UGGT1: variants seen among roughly 807,000 people sequenced by gnomAD.
UGGT1 encodes the protein UDP-glucose glycoprotein glucosyltransferase 1.
A neutral mutation model predicts 203.9 loss-of-function variants in UGGT1; 107 were observed. The ratio of observed to expected loss-of-function variants is 0.52; its 90% CI spans 0.45 to 0.62. The LOEUF (loss-of-function observed/expected upper bound fraction) is 0.62, where lower values mean the gene tolerates loss of function less well. UGGT1 is among the 20% of genes least tolerant of loss of function. UGGT1 has a pLI of 0.00. For missense variants in UGGT1, 1,673 were observed against 1,867.2 expected, an observed-to-expected ratio of 0.90 and a Z score of 1.92; for synonymous variants, 628 against 653.5, an observed-to-expected ratio of 0.96 and a Z score of 0.59.
At chr2:128,181,978 G>A in intron 36 of UGGT1, 152 bp from the exon 37 acceptor site, 1 of 649,270 alleles carries the variant, frequency 1.5e-6, no homozygotes. Flanking sequence ...GTAATAAGTG[G>A]AGCAATCAAA....
At chr2:128,112,755 G>A (rs369980887) in intron 5 of UGGT1, among the ~76,000 whole-genome samples, 2 of 150,958 alleles carry the variant, frequency 1.3e-5, no homozygotes, top group African/African-American at 2.4e-5. Flanking sequence ...GCTAATTTTC[G>A]TTATTTATTG....
chr2:128,140,665 G>GT (rs1689376068), intron 16 of UGGT1: 1 of 152,250 alleles, frequency 6.6e-6, no homozygotes, highest in Admixed American at 6.5e-5. Context: ...ACCACCCACT[G>GT]TTTATTTTAT....
chr2:128,174,219 A>G (rs181252997), intron 30 of UGGT1, among the ~76,000 whole-genome samples: 19 of 152,184 alleles, frequency 1.2e-4, no homozygotes, highest in South Asian at 6.2e-4. Context: ...TGGAAGTGCA[A>G]CACTTATTCA....
chr2:128,092,605 C>CTTTTTT lies in UGGT1; in HGVS notation c.58+1202_58+1207dup, dbSNP rs55814829. On this transcript the variant is annotated intron_variant, in intron 1 of 40. Transcript: ENST00000259253. ...ATGTGATAATTTTCTTTCTTTCTTT[C>CTTTTTT]TTTTTTTTTTTTTTTTTGAGATGGA... is the stretch of plus-strand genomic sequence containing the variant. Among the ~76,000 whole-genome samples, 162 of 126,522 alleles carry CTTTTTT rather than the reference C, an allele frequency of 1.3e-3. 1 individual carries two copies. Among genetic ancestry groups the CTTTTTT allele is most frequent in the Non-Finnish European group, 1.9e-3 (116 of 61,904 alleles). The allele number at this position is 126,522 out of a possible 152,430, so 83.0% of individuals were successfully genotyped here. A position where few individuals can be genotyped will look rare whatever the true frequency, so the allele number is the denominator to read the frequency against.
At chr2:128,112,619 G>T (rs1573512188) in intron 5 of UGGT1, among the ~76,000 whole-genome samples, 3 of 140,008 alleles carry the variant, frequency 2.1e-5, no homozygotes, top group Admixed American at 7.4e-5. Context: ...GTCCCGTTCT[G>T]TCACCCAGGG....
At chr2:128,183,327 C>G (rs1014111065) in intron 37 of UGGT1, among the ~76,000 whole-genome samples, 12 of 152,172 alleles carry the variant, frequency 7.9e-5, no homozygotes, top group African/African-American at 2.2e-4. Context: ...GGGGTTTTCC[C>G]CCCCCTGTAA....
chr2:128,116,429 A>G lies in UGGT1; in HGVS notation c.872+86A>G, dbSNP rs1688103664. ...TTGCATTTTAAGCATCATCTTACTCATTACTGTCTGAGTTTCTCATCTCCT... is the reference window on the plus strand; with the variant it reads ...TTGCATTTTAAGCATCATCTTACTCGTTACTGTCTGAGTTTCTCATCTCCT... On this transcript the variant is annotated intron_variant, in intron 8 of 40. Coordinates refer to ENST00000259253, the MANE Select transcript of UGGT1 (RefSeq NM_020120.4). The G allele has an allele frequency of 1.2e-5, 10 of 844,884 alleles. No individual in the cohort carries two copies. The Admixed American group carries it at 1.8e-4, about 15-fold the overall frequency. 52.3% of individuals were successfully genotyped at this position (844,884 alleles called of 1,614,324 possible). A position where few individuals can be genotyped will look rare whatever the true frequency, so the allele number is the denominator to read the frequency against.
intron 17 of UGGT1, among the ~76,000 whole-genome samples, chr2:128,143,623 A>G (rs1333856723): frequency 6.6e-6 from 1 of 152,212 alleles, no homozygotes; most frequent in Non-Finnish European, 1.5e-5. Flanking sequence ...TTGTGCTGAA[A>G]AATTGAATGA....
At chr2:128,178,640 G>A in intron 34 of UGGT1, 71 bp downstream of exon 34, 1 of 1,371,258 alleles carries the variant, frequency 7.3e-7, no homozygotes, top group South Asian at 1.3e-5. Context: ...GAGAGGAAAG[G>A]TTTTGTGGGA....
chr2:128,182,306 A>G lies in UGGT1; in HGVS notation c.4244+16A>G. The stretch of plus-strand genomic sequence containing the variant: ...ATCATATCAGGTACTGAAAAGAAGC[A>G]CTCCTAACACTGTTACGGGGTTTTC... On this transcript the variant is annotated intron_variant, in intron 37 of 40. Coordinates refer to ENST00000259253, the MANE Select transcript of UGGT1 (RefSeq NM_020120.4). 1 of 1,594,490 alleles carries G rather than the reference A, an allele frequency of 6.3e-7. No homozygotes were observed. Among genetic ancestry groups the G allele is most frequent in the Non-Finnish European group, 8.5e-7 (1 of 1,171,724 alleles).
In UGGT1 at chr2:128,159,598, A is replaced by G. The variant is rs1462152137; in HGVS notation, c.2440A>G (p.Ile814Val). Residue 814 changes from isoleucine (I) to valine (V), a missense_variant, in exon 23 of 41, where the codon ATC becomes GTC. Physicochemically the swap from Ile to Val is conservative, Grantham distance 29. Transcript: ENST00000259253. ...TGAGAACACTCAGATCTCCAGAGCA[A>G]TCTGGGCAGCTCTCCAAACTCAGAC... Reference protein sequence around the residue: ...SYENTQISRAIWAALQTQTSN... With the variant: ...SYENTQISRAVWAALQTQTSN... 3.1e-6 allele frequency: 5 copies of G among 1,614,214 alleles called. No homozygotes were observed. The Admixed American group carries it at 8.3e-5, about 27-fold the overall frequency.
In UGGT1 at chr2:128,192,034, A is replaced by G. The variant is rs975721598; in HGVS notation, c.*2292A>G. 1 of 152,248 alleles carries G rather than the reference A, an allele frequency of 6.6e-6. No homozygotes were observed. The highest frequency in any genetic ancestry group is 1.5e-5 in the Non-Finnish European group (1 of 68,096). The allele number at this position is 152,248 out of a possible 1,614,324, so 9.4% of individuals were successfully genotyped here. A position where few individuals can be genotyped will look rare whatever the true frequency, so the allele number is the denominator to read the frequency against. ...AGTCACTGGGATATATGCTTTCCAA[A>G]TGCTGGCCCCCATAGCACCTTTCCC... On this transcript the variant is annotated 3_prime_UTR_variant, in exon 41 of 41. Transcript: ENST00000259253.
rs1233091070 is a variant in UGGT1, at chr2:128,129,276, A to G, written c.1377+97A>G. ...TTATGAGGGTGAAGTTACTCCCACC[A>G]TCTCTTTTGTTGGTGTGAAAGATTT... On this transcript the variant is annotated intron_variant, in intron 13 of 40. Coordinates refer to ENST00000259253, the MANE Select transcript of UGGT1 (RefSeq NM_020120.4). The G allele has an allele frequency of 5.8e-6, 8 of 1,379,996 alleles. No individual in the cohort carries two copies. In the Admixed American group the frequency reaches 7.7e-5, roughly 13 times the overall value. The allele number at this position is 1,379,996 out of a possible 1,614,324, so 85.5% of individuals were successfully genotyped here.
In UGGT1 at chr2:128,095,850, T is replaced by G. The variant is rs1414164279; in HGVS notation, c.59-1579T>G. 2.0e-5 allele frequency among the ~76,000 whole-genome samples: 3 copies of G among 152,274 alleles called. No individual in the cohort carries two copies. In the East Asian group the frequency reaches 5.8e-4, roughly 29 times the overall value. On this transcript the variant is annotated intron_variant, in intron 1 of 40. Transcript: ENST00000259253. Reference sequence around the variant, plus strand: ...AAAGCAGCTATTGACTAGTCCCCAATGTGGACAGCCTCCCTCAGTGATAGA... The same window carrying G: ...AAAGCAGCTATTGACTAGTCCCCAAGGTGGACAGCCTCCCTCAGTGATAGA...
At position 128,173,804 on chromosome 2, in the gene UGGT1, G is replaced by A; in HGVS notation, c.3318G>A (p.Glu1106=). Reference sequence around the variant, plus strand: ...AGGTGGACAGTGTAGTGGCTGCTGAGTATGAGCTGGAATACCTGTTACTGG... The same window carrying A: ...AGGTGGACAGTGTAGTGGCTGCTGAATATGAGCTGGAATACCTGTTACTGG... ...LEEVDSVVAA[E]YELEYLLLEG... Residue 1106 remains glutamate (E), a synonymous_variant, in exon 30 of 41, where the codon GAG becomes GAA. Transcript: ENST00000259253. The A allele has an allele frequency of 6.2e-7, 1 of 1,614,134 alleles. No homozygotes were observed. The highest frequency in any genetic ancestry group is 8.5e-7 in the Non-Finnish European group (1 of 1,180,024).
At chr2:128,156,308 T>C in intron 20 of UGGT1, 84 bp from the exon 21 acceptor site, 1 of 1,049,460 alleles carries the variant, frequency 9.5e-7, no homozygotes, top group East Asian at 2.4e-5. Context: ...TGTTAGCCAT[T>C]GTTTAGACTT....
intron 13 of UGGT1, among the ~76,000 whole-genome samples, chr2:128,131,850 A>G (rs1364273599): frequency 1.3e-5 from 2 of 152,054 alleles, no homozygotes; most frequent in Non-Finnish European, 2.9e-5. Context: ...GATGGTCTCA[A>G]TCTCTTGATC....
chr2:128,170,325 T>G lies in UGGT1; in HGVS notation c.2959T>G (p.Phe987Val), dbSNP rs1691030776. ...KLRPKEGETY[F>V]DVVAVVDPVT... ...GAGGCCGAAGGAAGGGGAGACATAC[T>G]TTGATGTTGTGGCTGTCGTTGACCC... The change falls in exon 27 of 41, where the codon TTT becomes GTT. Residue 987 changes from phenylalanine (F) to valine (V), a missense_variant. By Grantham distance (50) the Phe-to-Val change is conservative. Around this residue, in one of 4 missense-constraint regions of UGGT1, gnomAD observed 1,073 missense variants for 1,078.7 expected, o/e 0.99. Transcript: ENST00000259253. The G allele has an allele frequency of 6.2e-7, 1 of 1,614,128 alleles. No individual in the cohort carries two copies. The highest frequency in any genetic ancestry group is 1.3e-5 in the African/African-American group (1 of 74,948).
chr2:128,122,069 G>A (rs191175493), intron 10 of UGGT1, among the ~76,000 whole-genome samples: 52 of 152,224 alleles, frequency 3.4e-4, no homozygotes, highest in African/African-American at 1.2e-3. Context: ...GACAGAATAA[G>A]ATTTTGTTTG....
Sources: gnomAD v4.1 joint callset for allele counts (sites outside exome capture counted in the v4.1 genomes callset) on GRCh38, gnomAD v4.1.1 for gene constraint, gnomAD v4.1.1 regional missense constraint, MANE v1.5 for transcripts, NCBI Gene and HGNC (gene_info 2026-07-23, HGNC 2026-07-21) for gene names.